The following ZNF236 variants were observed in gnomAD, a reference collection of about 807,000 sequenced individuals.
The protein encoded by ZNF236 is regulated by glucose.
A neutral mutation model predicts 191.2 loss-of-function variants in ZNF236; 50 were observed. The ratio of observed to expected loss-of-function variants is 0.26; its 90% CI spans 0.21 to 0.33. The LOEUF is 0.33. Ranked by LOEUF, ZNF236 falls within the 10% of genes least tolerant of loss-of-function variation. The pLI, the probability that ZNF236 is intolerant of heterozygous loss-of-function variation, is 1.00. For missense variants in ZNF236, 1,754 were observed against 2,374.5 expected, an observed-to-expected ratio of 0.74 and a Z score of 5.43; for synonymous variants, 907 against 928.8, an observed-to-expected ratio of 0.98 and a Z score of 0.43.
intron 27 of ZNF236, among the ~76,000 whole-genome samples, chr18:76,948,521 G>C (rs545461857): frequency 1.3e-5 from 2 of 152,314 alleles, no homozygotes; most frequent in East Asian, 3.9e-4. Flanking sequence ...ATCTACTGGT[G>C]GTTGTGGTTT....
Position 76,880,106 on chromosome 18 carries a change from G to A in ZNF236, c.985-7G>A. 1 of 1,585,092 alleles carries A rather than the reference G, an allele frequency of 6.3e-7. No individual in the cohort carries two copies. The highest frequency in any genetic ancestry group is 8.6e-7 in the Non-Finnish European group (1 of 1,164,206). ...GTATTTTTAATGAAAATGTTTCTGT[G>A]TTTCAGGCCACACTTTTTCAGACGT... On this transcript the variant is annotated splice_polypyrimidine_tract_variant and splice_region_variant and intron_variant, in intron 7 of 30. Transcript: ENST00000320610. This position sits in a 1 kb window ranked among gnomAD's most constrained non-coding sequence, Gnocchi z 5.0.
intron 25 of ZNF236, chr18:76,936,330 G>A (rs1270342625): frequency 4.4e-6 from 2 of 456,570 alleles, no homozygotes; most frequent in Non-Finnish European, 8.8e-6. Context: ...GTGTGCCCAT[G>A]TGTTTATACT....
chr18:76,919,746 T>A lies in ZNF236; in HGVS notation c.3275-30T>A, dbSNP rs1967480727. ...AAAACCTAGGTTTTCTTCATTACGA[T>A]TTTGATCCCTTTTCCTTGATTTTGT... On this transcript the variant is annotated intron_variant, in intron 19 of 30. Coordinates refer to ENST00000320610, the MANE Select transcript of ZNF236 (RefSeq NM_001306089.2). The surrounding 1 kb of genome is among the most constrained non-coding windows in gnomAD (Gnocchi z 5.3). 6.2e-7 allele frequency: 1 copy of A among 1,603,652 alleles called. No individual in the cohort carries two copies. Among genetic ancestry groups the A allele is most frequent in the Admixed American group, 1.7e-5 (1 of 59,678 alleles).
In ZNF236 at chr18:76,969,685, A is replaced by G. The variant is rs1386015254; in HGVS notation, c.*1346A>G. 6.6e-6 allele frequency: 1 copy of G among 152,422 alleles called. No homozygotes were observed. Among genetic ancestry groups the G allele is most frequent in the African/African-American group, 2.4e-5 (1 of 41,376 alleles). The allele number at this position is 152,422 out of a possible 1,614,324, so 9.4% of individuals were successfully genotyped here. A position where few individuals can be genotyped will look rare whatever the true frequency, so the allele number is the denominator to read the frequency against. The stretch of plus-strand genomic sequence containing the variant: ...TGCCTCCTTGGTTTCAGAAGAGAGT[A>G]GTTTTATTATAAATATTGTATGGAC... On this transcript the variant is annotated 3_prime_UTR_variant, in exon 31 of 31. Transcript: ENST00000320610.
At chr18:76,910,605 A>T (rs769025034) in intron 15 of ZNF236, 55 bp from the exon 16 acceptor site, 70 of 1,546,996 alleles carry the variant, frequency 4.5e-5, no homozygotes, top group Non-Finnish European at 6.2e-5. Flanking sequence ...TTCTTAGAAC[A>T]TTTTAATGTA....
At chr18:76,864,479 C>A (rs1247954036) in intron 3 of ZNF236, among the ~76,000 whole-genome samples, 1 of 152,042 alleles carries the variant, frequency 6.6e-6, no homozygotes, top group Non-Finnish European at 1.5e-5. Flanking sequence ...GGATTACAGG[C>A]GTGAGCCACC....
Position 76,913,821 on chromosome 18 carries a change from A to G in ZNF236, c.2984A>G (p.Lys995Arg), listed in dbSNP as rs780784476. 1.2e-6 allele frequency: 2 copies of G among 1,614,268 alleles called. No individual in the cohort carries two copies. Among genetic ancestry groups the G allele is most frequent in the Non-Finnish European group, 8.5e-7 (1 of 1,180,048 alleles). Residue 995 changes from lysine (K) to arginine (R), a missense_variant, in exon 18 of 31, where the codon AAG becomes AGG. By Grantham distance (26) the Lys-to-Arg change is conservative. This residue lies in a region of ZNF236 where 641 missense variants were observed against 869.6 expected (regional missense o/e 0.74). Coordinates refer to ENST00000320610, the MANE Select transcript of ZNF236 (RefSeq NM_001306089.2). ...KQHVRSHTGE[K>R]PYKCKLCGRG... is the part of the protein sequence containing the mutation. ...CATGTGCGGTCGCACACCGGGGAAAAGCCCTACAAGTGCAAGCTCTGTGGA... is the reference window on the plus strand; with the variant it reads ...CATGTGCGGTCGCACACCGGGGAAAGGCCCTACAAGTGCAAGCTCTGTGGA...
At chr18:76,867,020 C>T (rs574088646) in intron 3 of ZNF236, among the ~76,000 whole-genome samples, 10 of 152,196 alleles carry the variant, frequency 6.6e-5, no homozygotes, top group African/African-American at 9.6e-5. Context: ...GAGTAATATC[C>T]GTGTAGATAT....
At chr18:76,824,707 G>C (rs1974968074) in intron 1 of ZNF236, among the ~76,000 whole-genome samples, 1 of 152,162 alleles carries the variant, frequency 6.6e-6, no homozygotes, top group South Asian at 2.1e-4. Context: ...TGTCCACCTG[G>C]TGTTTCACCC....
Position 76,969,060 on chromosome 18 carries a change from C to A in ZNF236, c.*721C>A. The A allele has an allele frequency of 1.2e-6, 1 of 831,722 alleles. No homozygotes were observed. The highest frequency in any genetic ancestry group is 1.5e-6 in the Non-Finnish European group (1 of 688,948). 51.5% of individuals were successfully genotyped at this position (831,722 alleles called of 1,614,324 possible). A position where few individuals can be genotyped will look rare whatever the true frequency, so the allele number is the denominator to read the frequency against. ...CTGGCGACACACTTACCGCATCAAT[C>A]TGTGTTCAGGTCCAGGGTTACATAA... On this transcript the variant is annotated 3_prime_UTR_variant, in exon 31 of 31. Coordinates refer to ENST00000320610, the MANE Select transcript of ZNF236 (RefSeq NM_001306089.2).
chr18:76,880,748 G>A lies in ZNF236; in HGVS notation c.1188+432G>A, dbSNP rs1976869192. On this transcript the variant is annotated intron_variant, in intron 8 of 30. Coordinates refer to ENST00000320610, the MANE Select transcript of ZNF236 (RefSeq NM_001306089.2). The surrounding 1 kb of genome is among the most constrained non-coding windows in gnomAD (Gnocchi z 5.0). ...GGGTGTGTGGGCAGCACCTGCACGTGTGGGAGAGGAGGGGGGCAGGAGCGC... is the reference window on the plus strand; with the variant it reads ...GGGTGTGTGGGCAGCACCTGCACGTATGGGAGAGGAGGGGGGCAGGAGCGC... 6.6e-6 allele frequency among the ~76,000 whole-genome samples: 1 copy of A among 152,186 alleles called. No homozygotes were observed. Among genetic ancestry groups the A allele is most frequent in the Non-Finnish European group, 1.5e-5 (1 of 68,028 alleles).
chr18:76,916,866 C>T (rs866942308), intron 19 of ZNF236, among the ~76,000 whole-genome samples: 16 of 152,242 alleles, frequency 1.1e-4, no homozygotes, highest in East Asian at 3.9e-4. Context: ...GGACTGTCAT[C>T]GGAGGTCAGA....
At chr18:76,910,833 C>T (rs760681312) in intron 16 of ZNF236, 22 bp downstream of exon 16, 63 of 1,611,892 alleles carry the variant, frequency 3.9e-5, no homozygotes, top group Non-Finnish European at 5.0e-5. Flanking sequence ...CAGAGGGGTG[C>T]ATACATGGCA....
At chr18:76,879,594 G>A (rs62113123) in intron 7 of ZNF236, among the ~76,000 whole-genome samples, 15,636 of 152,098 alleles carry the variant, frequency 0.1, 1,002 homozygotes, top group South Asian at 0.21. Flanking sequence ...GGGACATTTC[G>A]GATTCCCGAG....
chr18:76,933,280 C>A (rs1057394127), intron 25 of ZNF236, among the ~76,000 whole-genome samples: 1 of 152,098 alleles, frequency 6.6e-6, no homozygotes, highest in African/African-American at 2.4e-5. Flanking sequence ...ACCAGCCTGG[C>A]CATCATGGTG....
At chr18:76,836,294 C>T (rs1342915701) in intron 1 of ZNF236, among the ~76,000 whole-genome samples, 2 of 151,944 alleles carry the variant, frequency 1.3e-5, no homozygotes, top group African/African-American at 2.4e-5. Flanking sequence ...GAGCATAGCT[C>T]ACTGCAGCCC....
chr18:76,869,247 G>C (rs79903619), intron 4 of ZNF236, among the ~76,000 whole-genome samples: 1 of 152,204 alleles, frequency 6.6e-6, no homozygotes, highest in Non-Finnish European at 1.5e-5. Flanking sequence ...TGTTCTTAGC[G>C]TGTATATAAA....
chr18:76,932,571 C>A (rs755825794), intron 25 of ZNF236, among the ~76,000 whole-genome samples: 1 of 152,112 alleles, frequency 6.6e-6, no homozygotes, highest in African/African-American at 2.4e-5. Flanking sequence ...TGGGCCGAAG[C>A]GAGTGGTAGT....
chr18:76,827,808 TGAGTGAGATA>T (rs1975058810), intron 1 of ZNF236, among the ~76,000 whole-genome samples: 1 of 152,160 alleles, frequency 6.6e-6, no homozygotes, highest in African/African-American at 2.4e-5. Context: ...GATAGAAGGA[TGAGTGAGATA>T]TGCTTTTTTT....
Sources: allele counts gnomAD v4.1 joint callset (sites outside exome capture counted in the v4.1 genomes callset), GRCh38; gene constraint gnomAD v4.1.1; regional missense constraint gnomAD v4.1.1; non-coding constraint Gnocchi (gnomAD v3.1); transcripts MANE v1.5; gene names NCBI Gene and HGNC (gene_info 2026-07-23, HGNC 2026-07-21).